CAMTA1: variants seen among roughly 807,000 people sequenced by gnomAD.
The protein encoded by CAMTA1 is calmodulin binding transcription activator 1, also known as calmodulin-binding transcription activator 1.
A neutral mutation model predicts 170.9 loss-of-function variants in CAMTA1; 27 were observed. The ratio of observed to expected loss-of-function variants is 0.16; its 90% CI spans 0.12 to 0.22. The LOEUF (loss-of-function observed/expected upper bound fraction) is 0.22, where lower values mean the gene tolerates loss of function less well. Ranked by LOEUF, CAMTA1 falls within the 10% of genes least tolerant of loss-of-function variation. CAMTA1 has a pLI of 1.00. For synonymous variants in CAMTA1, 833 were observed against 891.5 expected (o/e 0.93, Z 1.17); for missense variants, 1,619 against 2,217.2 (o/e 0.73, Z 5.42).
chr1:6,877,107 G>C (rs997993942), intron 3 of CAMTA1, among the ~76,000 whole-genome samples: 1 of 152,180 alleles, frequency 6.6e-6, no homozygotes, highest in African/African-American at 2.4e-5. Flanking sequence ...ATGGCGGAGA[G>C]CAGAGGCAAT....
intron 3 of CAMTA1, among the ~76,000 whole-genome samples, chr1:6,872,949 A>G (rs1335048785): frequency 1.3e-5 from 2 of 152,332 alleles, no homozygotes; most frequent in African/African-American, 2.4e-5. Context: ...GTTGATACCT[A>G]TAAAAGTTTA....
At chr1:7,743,475 T>A (rs1450009221) in intron 16 of CAMTA1, among the ~76,000 whole-genome samples, 2 of 152,112 alleles carry the variant, frequency 1.3e-5, no homozygotes, top group Non-Finnish European at 2.9e-5. Context: ...TGTGCCCATC[T>A]GCAGTCCGTC....
At chr1:7,232,850 G>A (rs4908609) in intron 4 of CAMTA1, among the ~76,000 whole-genome samples, 104,911 of 151,966 alleles carry the variant, frequency 0.69, 37,302 homozygotes, top group African/African-American at 0.87. Context: ...CCTTTCGCGT[G>A]CAGCCTTATT....
intron 3 of CAMTA1, among the ~76,000 whole-genome samples, chr1:7,076,817 G>A (rs1639359793): frequency 6.6e-6 from 1 of 152,168 alleles, no homozygotes; most frequent in South Asian, 2.1e-4. Flanking sequence ...TTCTGAGACC[G>A]ACCTCTACTC....
intron 11 of CAMTA1, among the ~76,000 whole-genome samples, chr1:7,684,627 C>A (rs1425362878): frequency 1.3e-5 from 2 of 152,186 alleles, no homozygotes; most frequent in South Asian, 2.1e-4. Context: ...TCCCTACTTT[C>A]TTTTAAGGAC....
rs2096076036 is a variant in CAMTA1 at position 7,673,209 on chromosome 1, A to G, written c.2779+2172A>G. On this transcript the variant is annotated intron_variant, in intron 10 of 22. Transcript: ENST00000303635. This position sits in a 1 kb window ranked among gnomAD's most constrained non-coding sequence, Gnocchi z 4.6. ...TTATCTGACCCCTCTACAGAAAAAGAAAGGCTGGGCTTTGTGTGGCCCCGG... is the reference window on the plus strand; with the variant it reads ...TTATCTGACCCCTCTACAGAAAAAGGAAGGCTGGGCTTTGTGTGGCCCCGG... 6.6e-6 allele frequency among the ~76,000 whole-genome samples: 1 copy of G among 152,250 alleles called. No individual in the cohort carries two copies. Among genetic ancestry groups the G allele is most frequent in the African/African-American group, 2.4e-5 (1 of 41,482 alleles).
At chr1:7,187,146 C>T (rs1005863281) in intron 4 of CAMTA1, among the ~76,000 whole-genome samples, 11 of 151,884 alleles carry the variant, frequency 7.2e-5, no homozygotes, top group African/African-American at 9.7e-5. Flanking sequence ...AGGGTGGGTG[C>T]GGGGGCATTT....
intron 21 of CAMTA1, among the ~76,000 whole-genome samples, chr1:7,754,859 A>T (rs1003144401): frequency 2.0e-5 from 3 of 152,198 alleles, no homozygotes; most frequent in Non-Finnish European, 4.4e-5. Flanking sequence ...TATTCAATTA[A>T]TATGTTCAAT....
intron 12 of CAMTA1, among the ~76,000 whole-genome samples, chr1:7,733,496 G>A (rs903049315): frequency 3.3e-5 from 5 of 152,106 alleles, no homozygotes; most frequent in Non-Finnish European, 5.9e-5. Flanking sequence ...TGCCAAGTAC[G>A]AGTAAATTAC....
intron 6 of CAMTA1, among the ~76,000 whole-genome samples, chr1:7,639,018 G>A (rs2095738845): frequency 6.6e-6 from 1 of 152,118 alleles, no homozygotes; most frequent in Non-Finnish European, 1.5e-5. Context: ...TCGCTCTGTT[G>A]CCCAGGCTGG....
At chr1:7,644,831 C>T (rs545751067) in intron 7 of CAMTA1, among the ~76,000 whole-genome samples, 38 of 151,950 alleles carry the variant, frequency 2.5e-4, no homozygotes, top group Non-Finnish European at 4.7e-4. Context: ...GAAAGAGGTT[C>T]TGCATGTGAA....
intron 5 of CAMTA1, among the ~76,000 whole-genome samples, chr1:7,432,655 G>A (rs569169674): frequency 2.6e-4 from 40 of 152,284 alleles, no homozygotes; most frequent in Admixed American, 1.9e-3. Flanking sequence ...GGGGTGGTCC[G>A]TCCTGAGCAA....
At chr1:7,448,276 C>T (rs771141843) in intron 5 of CAMTA1, among the ~76,000 whole-genome samples, 79 of 152,250 alleles carry the variant, frequency 5.2e-4, no homozygotes, top group Middle Eastern at 3.4e-3. Flanking sequence ...TGCATGACAC[C>T]TGCTGCCAGT....
In CAMTA1 at chr1:7,670,474, T is replaced by C. The variant is rs77634365; in HGVS notation, c.2653-437T>C. Among the ~76,000 whole-genome samples the C allele has an allele frequency of 8.8e-3, 1,342 of 152,290 alleles. 11 individuals carry two copies. The highest frequency in any genetic ancestry group is 0.015 in the Non-Finnish European group (1,028 of 68,024). On this transcript the variant is annotated intron_variant, in intron 9 of 22. Coordinates refer to ENST00000303635, the MANE Select transcript of CAMTA1 (RefSeq NM_015215.4). ...GGGCTGACACGGAGATGCTCAGGCC[T>C]GTTTTCAAAACTTGGAGTTCCCTCA...
chr1:7,704,330 T>G (rs1379167256), intron 11 of CAMTA1, among the ~76,000 whole-genome samples: 2 of 144,354 alleles, frequency 1.4e-5, no homozygotes, highest in Non-Finnish European at 3.1e-5. Context: ...CCGGGGGCCG[T>G]CGGCCCGGGC....
intron 3 of CAMTA1, 23 bp from the exon 4 acceptor site, chr1:7,091,281 A>T: frequency 1.3e-6 from 2 of 1,558,302 alleles, no homozygotes; most frequent in Non-Finnish European, 1.8e-6. Context: ...TGTTGTTATT[A>T]TCTTTTTATT....
chr1:7,700,167 T>C (rs3011930), intron 11 of CAMTA1, among the ~76,000 whole-genome samples: 130,548 of 151,880 alleles, frequency 0.86, 57,296 homozygotes, highest in East Asian at 1. Flanking sequence ...ACCTCTTATA[T>C]GTAGGTCTTT....
At chr1:7,356,519 A>G (rs1398229931) in intron 5 of CAMTA1, among the ~76,000 whole-genome samples, 1 of 152,192 alleles carries the variant, frequency 6.6e-6, no homozygotes. Context: ...TGGAGCCTAC[A>G]GATGGTTCAG....
intron 6 of CAMTA1, among the ~76,000 whole-genome samples, chr1:7,590,165 G>A (rs985620355): frequency 1.3e-5 from 2 of 152,170 alleles, no homozygotes; most frequent in African/African-American, 2.4e-5. Context: ...GCAGGGGTGA[G>A]GACATAAGCC....
Sources: allele counts gnomAD v4.1 joint callset (sites outside exome capture counted in the v4.1 genomes callset), GRCh38; gene constraint gnomAD v4.1.1; non-coding constraint Gnocchi (gnomAD v3.1); transcripts MANE v1.5; gene names NCBI Gene and HGNC (gene_info 2026-07-23, HGNC 2026-07-21).